The following HTR1F variants were observed in gnomAD, a reference collection of about 807,000 sequenced individuals.
HTR1F encodes 5-hydroxytryptamine (serotonin) receptor 1F, G protein-coupled.
In HTR1F, 17 loss-of-function variants were observed where a neutral mutation model predicts 24.0. The observed-to-expected ratio is 0.71, with a 90% confidence interval of 0.48 to 1.06. HTR1F has a LOEUF of 1.06. Among genes scored for constraint, HTR1F ranks in the 50% least tolerant of loss-of-function variants. The pLI is 0.00. For missense variants in HTR1F, 391 were observed against 427.8 expected (o/e 0.91, Z 0.76); for synonymous variants, 186 against 156.8 (o/e 1.19, Z -1.39).
intron 2 of HTR1F, among the ~76,000 whole-genome samples, chr3:87,960,184 G>C (rs1196533694): frequency 6.6e-6 from 1 of 150,660 alleles, no homozygotes; most frequent in African/African-American, 2.5e-5. Context: ...TTAAAGGTCA[G>C]TAGATGATTC....
At chr3:87,821,118 T>C (rs1704351979) in intron 1 of HTR1F, among the ~76,000 whole-genome samples, 1 of 152,206 alleles carries the variant, frequency 6.6e-6, no homozygotes, top group Admixed American at 6.5e-5. Flanking sequence ...TACTAAATAA[T>C]GAATGATGTT....
chr3:87,831,331 AT>A (rs1418229262), intron 2 of HTR1F, among the ~76,000 whole-genome samples: 14 of 3,698 alleles, frequency 3.8e-3, no homozygotes, highest in African/African-American at 0.011. Context: ...ATATTAAGAA[AT>A]TATTATTATT....
chr3:87,869,163 T>A (rs1236990565), intron 2 of HTR1F, among the ~76,000 whole-genome samples: 1 of 152,000 alleles, frequency 6.6e-6, no homozygotes, highest in Admixed American at 6.6e-5. Context: ...CAAACATATA[T>A]AATAGAAAAG....
chr3:87,846,259 C>A (rs1421264390), intron 2 of HTR1F, among the ~76,000 whole-genome samples: 1 of 151,894 alleles, frequency 6.6e-6, no homozygotes, highest in Non-Finnish European at 1.5e-5. Flanking sequence ...ATGGCAAAAC[C>A]CTGTCTCTAC....
intron 2 of HTR1F, among the ~76,000 whole-genome samples, chr3:87,986,871 G>A (rs557975232): frequency 2.8e-4 from 42 of 152,268 alleles, no homozygotes; most frequent in African/African-American, 6.7e-4. Flanking sequence ...TTGGGAGGCC[G>A]TGGTGAGCAG....
intron 2 of HTR1F, among the ~76,000 whole-genome samples, chr3:87,884,095 A>G (rs1036665493): frequency 3.3e-5 from 5 of 152,172 alleles, no homozygotes; most frequent in Non-Finnish European, 7.4e-5. Context: ...AGCCAGAAAG[A>G]AAGGTTGGAT....
chr3:87,981,773 G>A (rs1223681972), intron 2 of HTR1F, among the ~76,000 whole-genome samples: 11 of 152,092 alleles, frequency 7.2e-5, no homozygotes, highest in Admixed American at 7.2e-4. Context: ...TGTGTTCATT[G>A]AATGTGGTGT....
chr3:87,937,197 T>C (rs939281947), intron 2 of HTR1F, among the ~76,000 whole-genome samples: 1 of 150,474 alleles, frequency 6.6e-6, no homozygotes, highest in East Asian at 2.0e-4. Flanking sequence ...TTCAAGCCAA[T>C]ATCCTTGGTA....
intron 2 of HTR1F, among the ~76,000 whole-genome samples, chr3:87,985,204 G>A (rs559278513): frequency 1.8e-4 from 27 of 152,022 alleles, no homozygotes; most frequent in Admixed American, 4.6e-4. Context: ...GTGTGGTGGC[G>A]CATGCCTGTA....
intron 2 of HTR1F, among the ~76,000 whole-genome samples, chr3:87,902,428 C>T (rs1324679915): frequency 6.6e-6 from 1 of 151,876 alleles, no homozygotes; most frequent in Non-Finnish European, 1.5e-5. Context: ...CCAAGTAGAT[C>T]GTAATCCTAA....
chr3:87,951,412 A>T (rs1237466928), intron 2 of HTR1F, among the ~76,000 whole-genome samples: 1 of 152,146 alleles, frequency 6.6e-6, no homozygotes, highest in Non-Finnish European at 1.5e-5. Context: ...TAAAATAAGC[A>T]TGAGGAAGTT....
intron 2 of HTR1F, among the ~76,000 whole-genome samples, chr3:87,950,225 G>A (rs983751467): frequency 6.6e-6 from 1 of 152,130 alleles, no homozygotes; most frequent in African/African-American, 2.4e-5. Flanking sequence ...ATCCCACTGG[G>A]CCCCACCTCC....
intron 2 of HTR1F, among the ~76,000 whole-genome samples, chr3:87,988,969 G>A (rs1235763468): frequency 1.3e-5 from 2 of 151,990 alleles, no homozygotes; most frequent in African/African-American, 4.8e-5. Context: ...GTATTTTAAA[G>A]TATTAATTTA....
In HTR1F at chr3:87,908,543, T is replaced by C. The variant is rs556488912; in HGVS notation, c.-42-82165T>C. Among the ~76,000 whole-genome samples the C allele has an allele frequency of 1.9e-4, 29 of 152,216 alleles. No homozygotes were observed. The South Asian group carries it at 5.6e-3, about 29-fold the overall frequency. On this transcript the variant is annotated intron_variant, in intron 2 of 2. Coordinates refer to ENST00000319595, the MANE Select transcript of HTR1F (RefSeq NM_001322209.2). ...CAAGAACTATCTGGTAACGTAAATG[T>C]ATTTGGAGATTATAATGTAGTTTCT...
intron 2 of HTR1F, among the ~76,000 whole-genome samples, chr3:87,839,896 T>C (rs1255663074): frequency 1.3e-5 from 2 of 152,212 alleles, no homozygotes; most frequent in African/African-American, 4.8e-5. Context: ...CTTAGGATAA[T>C]GGTTTCCAGC....
intron 2 of HTR1F, among the ~76,000 whole-genome samples, chr3:87,902,539 T>C (rs1165587628): frequency 1.3e-5 from 2 of 152,158 alleles, no homozygotes; most frequent in Non-Finnish European, 2.9e-5. Context: ...GAAAAAAAGA[T>C]AAAGATGGAC....
At chr3:87,917,281 A>T (rs1346621992) in intron 2 of HTR1F, among the ~76,000 whole-genome samples, 1 of 151,884 alleles carries the variant, frequency 6.6e-6, no homozygotes, top group African/African-American at 2.4e-5. Context: ...CAGACAATCT[A>T]AGGTCACACC....
At chr3:87,834,808 A>G (rs1160345657) in intron 2 of HTR1F, among the ~76,000 whole-genome samples, 3 of 152,244 alleles carry the variant, frequency 2.0e-5, no homozygotes, top group Non-Finnish European at 4.4e-5. Context: ...TTCAAATTTC[A>G]GTGTCCATGA....
chr3:87,950,873 G>T (rs915017612), intron 2 of HTR1F, among the ~76,000 whole-genome samples: 8 of 152,134 alleles, frequency 5.3e-5, no homozygotes, highest in Non-Finnish European at 1.2e-4. Context: ...AATGTCTAGT[G>T]ATAAGCCTTA....
Sources: allele counts gnomAD v4.1 joint callset (sites outside exome capture counted in the v4.1 genomes callset), GRCh38; gene constraint gnomAD v4.1.1; transcripts MANE v1.5; gene names NCBI Gene and HGNC (gene_info 2026-07-23, HGNC 2026-07-21).